Variants in SLC4A4 observed in about 807,000 individuals in gnomAD.
SLC4A4 encodes solute carrier family 4 member 4.
Under a neutral mutation model 111.5 loss-of-function variants are expected in SLC4A4, and 27 were observed. The ratio of observed to expected loss-of-function variants is 0.24; its 90% CI spans 0.18 to 0.33. The LOEUF (loss-of-function observed/expected upper bound fraction) is 0.33. Among genes scored for constraint, SLC4A4 ranks in the 10% least tolerant of loss-of-function variants. The probability of loss-of-function intolerance (pLI) is 1.00; values close to 1 mark genes in which losing one functional copy is unlikely to be tolerated. For missense variants in SLC4A4, 909 were observed against 1,315.5 expected, an observed-to-expected ratio of 0.69 and a Z score of 4.78; for synonymous variants, 443 against 463.4, an observed-to-expected ratio of 0.96 and a Z score of 0.57.
intron 2 of SLC4A4, among the ~76,000 whole-genome samples, chr4:71,111,993 G>C (rs1305403768): frequency 6.6e-6 from 1 of 152,194 alleles, no homozygotes; most frequent in African/African-American, 2.4e-5. Context: ...CACTGTGCTT[G>C]GCCTTAAATT....
chr4:71,450,265 C>A (rs771988364), intron 9 of SLC4A4, 124 bp from the exon 10 acceptor site: 5 of 752,336 alleles, frequency 6.6e-6, no homozygotes, highest in Non-Finnish European at 1.2e-5. Context: ...TAGGGACTAT[C>A]AGAGCATGGC....
intron 2 of SLC4A4, among the ~76,000 whole-genome samples, chr4:71,243,412 A>G (rs1339752728): frequency 1.3e-5 from 2 of 152,210 alleles, no homozygotes; most frequent in East Asian, 3.8e-4. Context: ...ATTAGAAATC[A>G]TTGGGAGAAC....
Position 71,339,455 on chromosome 4 carries a change from T to C in SLC4A4, c.339T>C (p.Asp113=), listed in dbSNP as rs1175950695. ...CCCCTCAGCTCTTCACGGAACTGGA[T>C]GAGCTGCTGGCCGTGGATGGGCAGG... The part of the protein sequence containing the change: ...PAPPQLFTEL[D]ELLAVDGQEM... The change falls in exon 4 of 26, where the codon GAT becomes GAC. Residue 113 remains aspartate, a synonymous_variant. Coordinates refer to ENST00000264485, the MANE Select transcript of SLC4A4 (RefSeq NM_001098484.3). 1.2e-6 allele frequency: 2 copies of C among 1,613,892 alleles called. No individual in the cohort carries two copies. The highest frequency in any genetic ancestry group is 1.3e-5 in the African/African-American group (1 of 74,884).
chr4:71,195,230 GT>G lies in SLC4A4; in HGVS notation c.-2+7854del, dbSNP rs66527038. Among the ~76,000 whole-genome samples, 494 of 93,198 alleles carry G rather than the reference GT, an allele frequency of 5.3e-3. 3 individuals carry two copies. The highest frequency in any genetic ancestry group is 0.014 in the East Asian group (41 of 2,976). 61.1% of individuals were successfully genotyped at this position (93,198 alleles called of 152,430 possible). A position where few individuals can be genotyped will look rare whatever the true frequency, so the allele number is the denominator to read the frequency against. ...TCTTTTCCTTTTTTCCTGTATTTGA[GT>G]TTTTTTTTTTTTTTTTTTTTTTTTA... On this transcript the variant is annotated intron_variant, in intron 1 of 25. Transcript: ENST00000264485.
At chr4:71,536,774 A>T (rs568875319) in intron 18 of SLC4A4, among the ~76,000 whole-genome samples, 2 of 151,336 alleles carry the variant, frequency 1.3e-5, no homozygotes, top group Non-Finnish European at 2.9e-5. Context: ...GATTACAGGC[A>T]TGAGCCACCA....
At chr4:71,563,174 T>C (rs1238694024) in intron 23 of SLC4A4, among the ~76,000 whole-genome samples, 1 of 151,848 alleles carries the variant, frequency 6.6e-6, no homozygotes, top group Non-Finnish European at 1.5e-5. Context: ...ATAGACACCT[T>C]TTTAAACATT....
intron 15 of SLC4A4, among the ~76,000 whole-genome samples, chr4:71,496,173 C>G (rs142403400): frequency 5.5e-4 from 83 of 152,118 alleles, no homozygotes; most frequent in African/African-American, 2.0e-3. Context: ...GGTGATAGAT[C>G]TGATTAAATC....
intron 6 of SLC4A4, among the ~76,000 whole-genome samples, chr4:71,369,831 T>A (rs1731689808): frequency 6.6e-6 from 1 of 152,112 alleles, no homozygotes. Context: ...ATGAATAAGG[T>A]GATTCCCTGT....
chr4:71,100,668 C>T (rs1214449631), intron 2 of SLC4A4, among the ~76,000 whole-genome samples: 3 of 152,144 alleles, frequency 2.0e-5, no homozygotes, highest in Non-Finnish European at 2.9e-5. Context: ...TCCCTGTTTG[C>T]AGATGGCATA....
chr4:71,333,544 C>G (rs1728187396), intron 3 of SLC4A4, among the ~76,000 whole-genome samples: 1 of 152,198 alleles, frequency 6.6e-6, no homozygotes, highest in Admixed American at 6.5e-5. Context: ...TGGCTACCAC[C>G]AATGTTCAGA....
intron 7 of SLC4A4, among the ~76,000 whole-genome samples, chr4:71,436,297 C>CT (rs943021033): frequency 2.6e-5 from 4 of 152,156 alleles, no homozygotes; most frequent in African/African-American, 9.7e-5. Context: ...TCTCAGCAAA[C>CT]TAACAGAAGA....
intron 12 of SLC4A4, among the ~76,000 whole-genome samples, chr4:71,463,466 A>T (rs1160091378): frequency 6.6e-6 from 1 of 152,204 alleles, no homozygotes; most frequent in African/African-American, 2.4e-5. Context: ...TTTCTCAGAA[A>T]TACTGGAAAC....
chr4:71,268,525 G>T (rs546980130), intron 3 of SLC4A4, among the ~76,000 whole-genome samples: 1 of 152,344 alleles, frequency 6.6e-6, no homozygotes, highest in Admixed American at 6.5e-5. Flanking sequence ...GTTAGGACAA[G>T]AGGAGACATT....
intron 7 of SLC4A4, among the ~76,000 whole-genome samples, chr4:71,408,322 G>T (rs1398852451): frequency 6.6e-6 from 1 of 152,154 alleles, no homozygotes; most frequent in East Asian, 1.9e-4. Context: ...TTATACTTCA[G>T]TCTGAACTGC....
chr4:71,533,587 T>A lies in SLC4A4; in HGVS notation c.2281-640T>A, dbSNP rs899450130. Among the ~76,000 whole-genome samples the A allele has an allele frequency of 2.7e-5, 4 of 147,922 alleles. No homozygotes were observed. The Admixed American group carries it at 2.9e-4, about 11-fold the overall frequency. ...ACTAAGAACTGCAAAAATGACAGTT[T>A]TTTCCAGTTTTTTTTTGTGATTTTC... On this transcript the variant is annotated intron_variant, in intron 17 of 25. Transcript: ENST00000264485.
intron 2 of SLC4A4, among the ~76,000 whole-genome samples, chr4:71,140,327 G>A (rs1743960967): frequency 6.6e-6 from 1 of 152,100 alleles, no homozygotes; most frequent in South Asian, 2.1e-4. Context: ...AGGCTGAGGG[G>A]GGAGGATTGA....
chr4:71,381,747 C>T (rs182003107), intron 6 of SLC4A4, among the ~76,000 whole-genome samples: 1 of 152,182 alleles, frequency 6.6e-6, no homozygotes, highest in Non-Finnish European at 1.5e-5. Context: ...AGACACGTCT[C>T]GCTGTGTCAC....
At chr4:71,149,179 G>T (rs1744253826) in intron 2 of SLC4A4, among the ~76,000 whole-genome samples, 2 of 152,060 alleles carry the variant, frequency 1.3e-5, no homozygotes, top group African/African-American at 4.8e-5. Context: ...TACTCAGTGA[G>T]TTTAATTAGA....
At chr4:71,235,757 G>A (rs1276578642) in intron 1 of SLC4A4, among the ~76,000 whole-genome samples, 1 of 152,200 alleles carries the variant, frequency 6.6e-6, no homozygotes, top group African/African-American at 2.4e-5. Context: ...ATATGAAATT[G>A]CAGAGTAGAT....
Sources: allele counts gnomAD v4.1 joint callset (sites outside exome capture counted in the v4.1 genomes callset), GRCh38; gene constraint gnomAD v4.1.1; transcripts MANE v1.5; gene names NCBI Gene and HGNC (gene_info 2026-07-23, HGNC 2026-07-21).